The following ASIP variants were observed in gnomAD, a reference collection of about 807,000 sequenced individuals.
The protein encoded by ASIP is agouti signaling protein.
A neutral mutation model predicts 10.3 loss-of-function variants in ASIP; 11 were observed. That is an observed-to-expected ratio of 1.07 (90% CI 0.68 to 1.78). The LOEUF (loss-of-function observed/expected upper bound fraction) is 1.78. Among genes scored for constraint, ASIP ranks in the 40% most tolerant of loss-of-function variants. The pLI, the probability that ASIP is intolerant of heterozygous loss-of-function variation, is 0.00. For synonymous variants in ASIP, 70 were observed against 70.8 expected (o/e 0.99, Z 0.06); for missense variants, 180 against 169.2 (o/e 1.06, Z -0.35).
At chr20:34,251,573 C>T (rs2035478278) in intron 1 of ASIP, among the ~76,000 whole-genome samples, 1 of 152,202 alleles carries the variant, frequency 6.6e-6, no homozygotes. Flanking sequence ...CGCGCCTGAC[C>T]TTCTCTGTGT....
intron 1 of ASIP, among the ~76,000 whole-genome samples, chr20:34,257,070 CTTTTTTT>C (rs56227909): frequency 7.2e-5 from 10 of 139,458 alleles, no homozygotes; most frequent in Non-Finnish European, 1.1e-4. Flanking sequence ...CTTTCTTTCT[CTTTTTTT>C]TTTTTGTTTT....
At chr20:34,227,584 T>C (rs1192849212) in intron 1 of ASIP, among the ~76,000 whole-genome samples, 1 of 151,314 alleles carries the variant, frequency 6.6e-6, no homozygotes, top group African/African-American at 2.4e-5. Flanking sequence ...TGAGCCGAGA[T>C]TGTGCCACTG....
chr20:34,213,442 G>A (rs1165395176), intron 1 of ASIP: 1 of 985,666 alleles, frequency 1.0e-6, no homozygotes, highest in Non-Finnish European at 1.5e-6. Flanking sequence ...CTTTGGAATT[G>A]AGTCATAGGT....
chr20:34,260,464 C>T lies in ASIP; in HGVS notation c.90C>T (p.Leu30=). ...ANSHLPPEEK[L]RDDRSLRSNS... is the part of the protein sequence containing the mutation. ...GCCACCTGCCACCTGAGGAGAAGCT[C>T]CGAGATGACAGGAGCCTGAGAAGCA... Residue 30 remains leucine, a synonymous_variant, in exon 2 of 4, where the codon CTC becomes CTT. Transcript: ENST00000374954. 1.2e-6 allele frequency: 2 copies of T among 1,614,132 alleles called. No homozygotes were observed. Among genetic ancestry groups the T allele is most frequent in the Non-Finnish European group, 1.7e-6 (2 of 1,180,010 alleles).
intron 1 of ASIP, among the ~76,000 whole-genome samples, chr20:34,219,806 T>C (rs948550947): frequency 6.6e-6 from 1 of 152,126 alleles, no homozygotes; most frequent in Non-Finnish European, 1.5e-5. Flanking sequence ...ATACAAAACA[T>C]GTGCTGGGAG....
At chr20:34,210,891 G>A (rs893412820) in intron 1 of ASIP, among the ~76,000 whole-genome samples, 1 of 152,044 alleles carries the variant, frequency 6.6e-6, no homozygotes, top group African/African-American at 2.4e-5. Context: ...TGTATTCCTG[G>A]AATAAACCCT....
chr20:34,208,505 C>G (rs919578979), intron 1 of ASIP, among the ~76,000 whole-genome samples: 2 of 152,106 alleles, frequency 1.3e-5, no homozygotes, highest in Non-Finnish European at 2.9e-5. Context: ...CAGGTGTGCA[C>G]CACTACTCCT....
intron 1 of ASIP, among the ~76,000 whole-genome samples, chr20:34,256,247 T>C (rs1433431123): frequency 6.6e-6 from 1 of 152,226 alleles, no homozygotes; most frequent in Non-Finnish European, 1.5e-5. Flanking sequence ...CTCACACTCC[T>C]TACCCTGCCC....
At chr20:34,201,679 C>T (rs1267572586) in intron 1 of ASIP, among the ~76,000 whole-genome samples, 2 of 152,120 alleles carry the variant, frequency 1.3e-5, no homozygotes. Flanking sequence ...TTTGTCACAC[C>T]AAAGAGGATT....
chr20:34,226,055 G>T (rs999131646), intron 1 of ASIP, among the ~76,000 whole-genome samples: 2 of 151,796 alleles, frequency 1.3e-5, no homozygotes, highest in Non-Finnish European at 2.9e-5. Context: ...CACCACACCC[G>T]GCTAATTTTT....
chr20:34,267,459 C>CAA (rs953440256), intron 3 of ASIP, among the ~76,000 whole-genome samples: 451 of 44,832 alleles, frequency 0.01, 14 homozygotes, highest in African/African-American at 0.012. Flanking sequence ...AACTGGCTCT[C>CAA]AAAAAAAAAA....
At chr20:34,208,155 T>C (rs1449280700) in intron 1 of ASIP, among the ~76,000 whole-genome samples, 1 of 152,190 alleles carries the variant, frequency 6.6e-6, no homozygotes, top group Admixed American at 6.5e-5. Context: ...CATTGGTCTA[T>C]GTATCTGTTT....
chr20:34,214,476 G>A (rs1262874507), intron 1 of ASIP: 23 of 1,513,210 alleles, frequency 1.5e-5, no homozygotes, highest in East Asian at 2.3e-5. Context: ...AGCACCATGA[G>A]ATAGATACTG....
intron 1 of ASIP, among the ~76,000 whole-genome samples, chr20:34,255,582 T>A (rs1362857447): frequency 6.6e-6 from 1 of 152,218 alleles, no homozygotes; most frequent in Non-Finnish European, 1.5e-5. Context: ...TGATTATATA[T>A]GAATATCATT....
At chr20:34,207,307 T>C (rs2034943793) in intron 1 of ASIP, among the ~76,000 whole-genome samples, 2 of 152,264 alleles carry the variant, frequency 1.3e-5, no homozygotes, top group South Asian at 4.1e-4. Context: ...ATTAGTGATA[T>C]TGACTATTTA....
chr20:34,253,986 T>A (rs2035527212), intron 1 of ASIP, among the ~76,000 whole-genome samples: 2 of 152,186 alleles, frequency 1.3e-5, no homozygotes, highest in South Asian at 4.1e-4. Context: ...CATTGCAGAG[T>A]GGAAAGACAG....
chr20:34,262,395 C>G (rs2035708880), intron 2 of ASIP, among the ~76,000 whole-genome samples: 1 of 152,166 alleles, frequency 6.6e-6, no homozygotes, highest in Non-Finnish European at 1.5e-5. Context: ...GGCTCCAGAG[C>G]TCTCAGGAAT....
At chr20:34,261,664 T>C (rs2035694289) in intron 2 of ASIP, among the ~76,000 whole-genome samples, 1 of 151,162 alleles carries the variant, frequency 6.6e-6, no homozygotes. Context: ...TAGCCGGGAA[T>C]GGTGGTGCAT....
At chr20:34,214,156 T>A in intron 1 of ASIP, 2 of 1,190,914 alleles carry the variant, frequency 1.7e-6, no homozygotes, top group Non-Finnish European at 2.5e-6. Context: ...AAATCTTGTA[T>A]TCTATTCAAA....
Sources: allele counts gnomAD v4.1 joint callset (sites outside exome capture counted in the v4.1 genomes callset), GRCh38; gene constraint gnomAD v4.1.1; transcripts MANE v1.5; gene names NCBI Gene and HGNC (gene_info 2026-07-23, HGNC 2026-07-21).